Variants in USH2A observed in about 807,000 individuals in gnomAD.
The protein encoded by USH2A is usherin.
A neutral mutation model predicts 538.9 loss-of-function variants in USH2A; 443 were observed. The ratio of observed to expected loss-of-function variants is 0.82; its 90% CI spans 0.76 to 0.89. The LOEUF is 0.89. USH2A is among the 40% of genes least tolerant of loss of function. The probability of loss-of-function intolerance (pLI) is 0.00; values close to 1 mark genes in which losing one functional copy is unlikely to be tolerated. For missense variants in USH2A, 6,633 were observed against 6,324.8 expected, an observed-to-expected ratio of 1.05 and a Z score of -1.65; for synonymous variants, 2,413 against 2,273.5, an observed-to-expected ratio of 1.06 and a Z score of -1.75.
intron 20 of USH2A, among the ~76,000 whole-genome samples, chr1:216,179,299 C>A (rs2034447299): frequency 6.6e-6 from 1 of 151,938 alleles, no homozygotes; most frequent in Non-Finnish European, 1.5e-5. Context: ...AAAATTAGAG[C>A]ACACTTTTTT....
At position 215,675,360 on chromosome 1, in the gene USH2A, T is replaced by C; in HGVS notation, c.12551A>G (p.Lys4184Arg). 6.2e-7 allele frequency: 1 copy of C among 1,614,134 alleles called. No homozygotes were observed. Among genetic ancestry groups the C allele is most frequent in the Non-Finnish European group, 8.5e-7 (1 of 1,180,026 alleles). The part of the protein sequence containing the change: ...SWSEPVNPNG[K>R]IIRYEVIRRC... ...GCGAATCACTTCATAGCGAATTATT[T>C]TTCCATTTGGGTTAACAGGCTCAGA... Residue 4184 changes from lysine (K) to arginine (R), a missense_variant, in exon 63 of 72, where the codon AAA (lysine) becomes AGA (arginine). Coordinates refer to ENST00000307340, the MANE Select transcript of USH2A (RefSeq NM_206933.4).
chr1:216,297,180 T>G (rs964124583), intron 9 of USH2A, among the ~76,000 whole-genome samples: 2 of 152,054 alleles, frequency 1.3e-5, no homozygotes, highest in Non-Finnish European at 2.9e-5. Flanking sequence ...TCACTCATAA[T>G]ATGAGAGTAA....
intron 3 of USH2A, among the ~76,000 whole-genome samples, chr1:216,417,660 C>T (rs1458487922): frequency 6.6e-6 from 1 of 152,128 alleles, no homozygotes; most frequent in African/African-American, 2.4e-5. Flanking sequence ...AGTGCTTGCT[C>T]AGCCTTTGTC....
intron 37 of USH2A, among the ~76,000 whole-genome samples, chr1:215,949,629 T>C (rs1319616352): frequency 6.6e-6 from 1 of 152,096 alleles, no homozygotes; most frequent in African/African-American, 2.4e-5. Flanking sequence ...CAGCATCATG[T>C]ATACAAATTT....
At chr1:215,673,545 A>C (rs769887712) in intron 63 of USH2A, among the ~76,000 whole-genome samples, 1 of 152,182 alleles carries the variant, frequency 6.6e-6, no homozygotes, top group Non-Finnish European at 1.5e-5. Context: ...CGCTAGGAAA[A>C]CATGAGCTAG....
At chr1:216,163,706 G>T (rs2034111688) in intron 21 of USH2A, among the ~76,000 whole-genome samples, 1 of 151,824 alleles carries the variant, frequency 6.6e-6, no homozygotes, top group Non-Finnish European at 1.5e-5. Flanking sequence ...GCCTATTAAT[G>T]ATTTGCTCTT....
At chr1:216,305,320 G>C (rs1335999355) in intron 9 of USH2A, among the ~76,000 whole-genome samples, 2 of 152,068 alleles carry the variant, frequency 1.3e-5, no homozygotes, top group East Asian at 1.9e-4. Context: ...TCTGATATAA[G>C]AATAGCTACT....
chr1:216,276,435 C>A (rs1444194704), intron 11 of USH2A, among the ~76,000 whole-genome samples: 1 of 152,092 alleles, frequency 6.6e-6, no homozygotes, highest in African/African-American at 2.4e-5. Context: ...GAGACAACGT[C>A]CAGTCCAGGA....
At chr1:215,956,309 T>C (rs1476981871) in intron 37 of USH2A, among the ~76,000 whole-genome samples, 1 of 152,168 alleles carries the variant, frequency 6.6e-6, no homozygotes. Flanking sequence ...CAGTTGAACT[T>C]TATCATGCAT....
At chr1:216,076,661 T>A (rs1312721646) in intron 27 of USH2A, among the ~76,000 whole-genome samples, 3 of 152,184 alleles carry the variant, frequency 2.0e-5, no homozygotes, top group Admixed American at 2.0e-4. Flanking sequence ...TGTTACATCT[T>A]AAGTGCCTTG....
chr1:216,351,348 C>A (rs1004781157), intron 4 of USH2A, among the ~76,000 whole-genome samples: 5 of 152,060 alleles, frequency 3.3e-5, no homozygotes, highest in Non-Finnish European at 7.4e-5. Flanking sequence ...TGGTATTGAG[C>A]AGACCTAATC....
chr1:215,943,875 C>T (rs980892353), intron 37 of USH2A, among the ~76,000 whole-genome samples: 1 of 152,080 alleles, frequency 6.6e-6, no homozygotes, highest in Admixed American at 6.6e-5. Context: ...CTGAATTAAC[C>T]AAATTTGTTT....
intron 32 of USH2A, among the ~76,000 whole-genome samples, chr1:216,021,592 A>T (rs866490556): frequency 6.6e-6 from 1 of 151,764 alleles, no homozygotes; most frequent in African/African-American, 2.4e-5. Context: ...TACAACACTA[A>T]CTCTTCCCTG....
At chr1:215,907,103 A>C (rs1325181066) in intron 38 of USH2A, among the ~76,000 whole-genome samples, 2 of 151,984 alleles carry the variant, frequency 1.3e-5, no homozygotes, top group Non-Finnish European at 2.9e-5. Flanking sequence ...GATGTAGAAC[A>C]AAGAATTGTA....
At chr1:216,287,450 A>C (rs549582170) in intron 11 of USH2A, among the ~76,000 whole-genome samples, 1 of 152,334 alleles carries the variant, frequency 6.6e-6, no homozygotes, top group South Asian at 2.1e-4. Flanking sequence ...GCACTGGCTC[A>C]TAAGAGCAGA....
intron 61 of USH2A, among the ~76,000 whole-genome samples, chr1:215,681,629 T>TA (rs2102673119): frequency 6.6e-6 from 1 of 152,288 alleles, no homozygotes; most frequent in South Asian, 2.1e-4. Flanking sequence ...GGATAAAATC[T>TA]AAAACAAGAT....
chr1:216,366,214 G>C (rs1243067291), intron 3 of USH2A, among the ~76,000 whole-genome samples: 1 of 152,128 alleles, frequency 6.6e-6, no homozygotes, highest in Non-Finnish European at 1.5e-5. Flanking sequence ...AGGAAAGAGT[G>C]AGATTTAAGG....
At chr1:216,395,446 G>A (rs891964406) in intron 3 of USH2A, among the ~76,000 whole-genome samples, 2 of 152,082 alleles carry the variant, frequency 1.3e-5, no homozygotes, top group African/African-American at 4.8e-5. Context: ...AATTGCATAA[G>A]CCATTTTAGA....
At chr1:216,036,371 T>C (rs1308657030) in intron 32 of USH2A, among the ~76,000 whole-genome samples, 1 of 152,142 alleles carries the variant, frequency 6.6e-6, no homozygotes, top group East Asian at 1.9e-4. Flanking sequence ...ACTCCCATTA[T>C]TAAGAGATAA....
Sources: gnomAD v4.1 joint callset for allele counts (sites outside exome capture counted in the v4.1 genomes callset) on GRCh38, gnomAD v4.1.1 for gene constraint, MANE v1.5 for transcripts, NCBI Gene and HGNC (gene_info 2026-07-23, HGNC 2026-07-21) for gene names.